FANCA: variants seen among roughly 807,000 people sequenced by gnomAD.
The protein encoded by FANCA is FA complementation group A, also known as Fanconi anemia group A protein.
FANCA carries 236 observed loss-of-function variants against 194.3 expected under a neutral mutation model. The ratio of observed to expected loss-of-function variants is 1.21; its 90% CI spans 1.09 to 1.35. FANCA has a LOEUF of 1.35. FANCA is among the 40% of genes most tolerant of loss of function. The pLI is 0.00. For synonymous variants in FANCA, 1,014 were observed against 715.8 expected (o/e 1.42, Z -6.65); for missense variants, 2,628 against 1,813.9 (o/e 1.45, Z -8.15).
chr16:89,740,613 G>A (rs2062105474), intron 38 of FANCA, 191 bp downstream of exon 38: 5 of 602,038 alleles, frequency 8.3e-6, no homozygotes, highest in Non-Finnish European at 1.5e-5. Context: ...TCCAGCCTGG[G>A]TGACAGAGTG....
chr16:89,778,979 C>T lies in FANCA; in HGVS notation c.1740G>A (p.Val580=), dbSNP rs1400163791. 6.2e-7 allele frequency: 1 copy of T among 1,613,852 alleles called. No individual in the cohort carries two copies. The highest frequency in any genetic ancestry group is 1.7e-5 in the Admixed American group (1 of 59,990). ...EASIFRRPYY[V]SHFLPALLTP... ...TGAGCAGGGCGGGGAGGAAGTGGGACACGTAGTAAGGCCTCCTGAATATGC... is the reference window on the plus strand; with the variant it reads ...TGAGCAGGGCGGGGAGGAAGTGGGATACGTAGTAAGGCCTCCTGAATATGC... Residue 580 remains valine (V), a synonymous_variant, in exon 19 of 43, where the codon GTG becomes GTA. Transcript: ENST00000389301.
At chr16:89,768,957 G>A (rs2039224597) in intron 26 of FANCA, among the ~76,000 whole-genome samples, 1 of 152,024 alleles carries the variant, frequency 6.6e-6, no homozygotes, top group Admixed American at 6.6e-5. Flanking sequence ...GGACTGTCTG[G>A]TGTGGCCAAG....
intron 28 of FANCA, chr16:89,762,827 G>C (rs1478484105): frequency 2.3e-6 from 1 of 440,674 alleles, no homozygotes; most frequent in Non-Finnish European, 4.5e-6. Context: ...AGGAGGCCGA[G>C]CACGGTGGCT....
intron 14 of FANCA, among the ~76,000 whole-genome samples, chr16:89,786,540 C>A (rs890354526): frequency 3.3e-5 from 5 of 152,188 alleles, no homozygotes; most frequent in Admixed American, 6.5e-5. Context: ...TGGTCTCAAA[C>A]TCCTGACCTC....
intron 6 of FANCA, among the ~76,000 whole-genome samples, chr16:89,807,899 A>T (rs770527918): frequency 1.3e-5 from 2 of 151,642 alleles, no homozygotes; most frequent in Admixed American, 6.6e-5. Context: ...AAATAAATAC[A>T]TAACAAAAAT....
intron 9 of FANCA, 135 bp downstream of exon 9, chr16:89,799,470 C>T (rs910917591): frequency 9.8e-7 from 1 of 1,017,328 alleles, no homozygotes; most frequent in Non-Finnish European, 1.5e-6. Flanking sequence ...AAAACAAGGG[C>T]ATTCCAGTAC....
At chr16:89,801,568 G>A (rs371116460) in intron 8 of FANCA, among the ~76,000 whole-genome samples, 1 of 152,242 alleles carries the variant, frequency 6.6e-6, no homozygotes, top group East Asian at 1.9e-4. Context: ...TAGTTGGGTA[G>A]TTCTAAAAAC....
chr16:89,737,664 T>A lies in FANCA; in HGVS notation c.*937A>T, dbSNP rs55794507. ...AAGATCTTAATAAACGAGGCCCTCA[T>A]AGGCCCCTTGCTTGGGCCCACTGCA... On this transcript the variant is annotated 3_prime_UTR_variant, in exon 43 of 43. Transcript: ENST00000389301. The A allele has an allele frequency of 2.0e-4, 291 of 1,491,764 alleles. No homozygotes were observed. The East Asian group carries it at 6.8e-3, about 35-fold the overall frequency. 92.4% of individuals were successfully genotyped at this position (1,491,764 alleles called of 1,614,324 possible).
At chr16:89,784,524 C>A (rs1352454104) in intron 15 of FANCA, among the ~76,000 whole-genome samples, 1 of 151,902 alleles carries the variant, frequency 6.6e-6, no homozygotes, top group Non-Finnish European at 1.5e-5. Flanking sequence ...CTCCACGTCA[C>A]CACTCAGACC....
At position 89,811,302 on chromosome 16, in the gene FANCA, G is replaced by C. The variant is rs555674507; in HGVS notation, c.284-231C>G. ...CACCTGAACCCAGAGTTATACATTG[G>C]TATTTGTTACGTTTCCCATGACACA... On this transcript the variant is annotated intron_variant, in intron 3 of 42. Transcript: ENST00000389301. Among the ~76,000 whole-genome samples the C allele has an allele frequency of 1.6e-4, 24 of 152,308 alleles. No individual in the cohort carries two copies. The South Asian group carries it at 5.0e-3, about 32-fold the overall frequency.
At chr16:89,812,660 A>AC (rs1567655718) in intron 3 of FANCA, among the ~76,000 whole-genome samples, 7 of 149,638 alleles carry the variant, frequency 4.7e-5, no homozygotes, top group African/African-American at 1.5e-4. Flanking sequence ...AAAAAAAAAA[A>AC]AAAAAAAAAA....
In FANCA at chr16:89,810,766, A is replaced by T; in HGVS notation, c.463T>A (p.Leu155Ile). 1 of 1,613,778 alleles carries T rather than the reference A, an allele frequency of 6.2e-7. No homozygotes were observed. Among genetic ancestry groups the T allele is most frequent in the Non-Finnish European group, 8.5e-7 (1 of 1,179,632 alleles). Residue 155 changes from leucine to isoleucine, a missense_variant, in exon 5 of 43, where the codon TTA becomes ATA. Transcript: ENST00000389301. ...CGGGAGAACATACTGTGTGCCAATA[A>T]ATACTGAGCAAACTCTAACAGGGAA... ...LSSLLEFAQYLLAHSMFSRLS... is the reference protein window; with the variant it reads ...LSSLLEFAQYILAHSMFSRLS...
chr16:89,771,940 A>G (rs766371892), intron 22 of FANCA, 126 bp from the exon 23 acceptor site: 6 of 1,127,218 alleles, frequency 5.3e-6, no homozygotes, highest in Non-Finnish European at 7.8e-6. Flanking sequence ...CACATCCCCC[A>G]GCCAGGTGCT....
intron 26 of FANCA, among the ~76,000 whole-genome samples, chr16:89,769,475 G>C (rs570794910): frequency 3.3e-5 from 5 of 152,182 alleles, no homozygotes; most frequent in Non-Finnish European, 7.3e-5. Flanking sequence ...TCACCATGGG[G>C]TGCCGAAGAA....
rs1378130381 is a variant in FANCA, at chr16:89,748,696, C to G, written c.3311G>C (p.Arg1104Thr). The change falls in exon 33 of 43, where the codon AGA (arginine) becomes ACA (threonine). Residue 1104 changes from arginine to threonine, a missense_variant. Arg to Thr is a moderately conservative substitution (Grantham distance 71). Coordinates refer to ENST00000389301, the MANE Select transcript of FANCA (RefSeq NM_000135.4). Reference protein sequence around the residue: ...SFQAEQPITARCEQFFHLVNS... With the variant: ...SFQAEQPITATCEQFFHLVNS... ...GACCAAGTGGAAGAACTGCTCGCAT[C>G]TGGCAGTGATGGGCTGTTCTGCCTG... 1.2e-6 allele frequency: 2 copies of G among 1,614,172 alleles called. No homozygotes were observed. Among genetic ancestry groups the G allele is most frequent in the South Asian group, 1.1e-5 (1 of 91,082 alleles).
At chr16:89,783,139 G>A in intron 15 of FANCA, 37 bp from the exon 16 acceptor site, 1 of 1,524,080 alleles carries the variant, frequency 6.6e-7, no homozygotes, top group South Asian at 1.1e-5. Flanking sequence ...CCGTTAGTCT[G>A]GGAACTGCCT....
chr16:89,795,207 C>G (rs890038407), intron 11 of FANCA, among the ~76,000 whole-genome samples: 1 of 151,542 alleles, frequency 6.6e-6, no homozygotes, highest in African/African-American at 2.4e-5. Context: ...ATGGTTTGAA[C>G]CCGGGAGGTG....
chr16:89,770,427 G>T, intron 24 of FANCA, 137 bp downstream of exon 24: 1 of 1,024,562 alleles, frequency 9.8e-7, no homozygotes. Context: ...CTTCTGCTGC[G>T]TCCTATTTGA....
intron 21 of FANCA, among the ~76,000 whole-genome samples, chr16:89,775,102 C>G (rs1475114911): frequency 6.6e-6 from 1 of 151,830 alleles, no homozygotes; most frequent in African/African-American, 2.4e-5. Flanking sequence ...AAAAAAAAAG[C>G]CCACAGGGAA....
Sources: gnomAD v4.1 joint callset for allele counts (sites outside exome capture counted in the v4.1 genomes callset) on GRCh38, gnomAD v4.1.1 for gene constraint, MANE v1.5 for transcripts, NCBI Gene and HGNC (gene_info 2026-07-23, HGNC 2026-07-21) for gene names.